TAFA2: variants seen among roughly 807,000 people sequenced by gnomAD.
TAFA2 encodes chemokine-like protein TAFA-2.
A neutral mutation model predicts 18.8 loss-of-function variants in TAFA2; 7 were observed. The observed-to-expected ratio is 0.37, with a 90% CI of 0.21 to 0.70. TAFA2 has a LOEUF of 0.70. TAFA2 is among the 30% of genes least tolerant of loss of function. The pLI, the probability that TAFA2 is intolerant of heterozygous loss-of-function variation, is 0.53. For synonymous variants in TAFA2, 60 were observed against 54.2 expected (o/e 1.11, Z -0.47); for missense variants, 122 against 158.1 (o/e 0.77, Z 1.23).
intron 1 of TAFA2, among the ~76,000 whole-genome samples, chr12:62,190,775 A>C (rs992360386): frequency 2.0e-5 from 3 of 152,164 alleles, no homozygotes; most frequent in Admixed American, 6.5e-5. Context: ...AGAATTAACT[A>C]ATCAGAAGTG....
intron 1 of TAFA2, among the ~76,000 whole-genome samples, chr12:62,248,015 T>C (rs942436213): frequency 1.3e-5 from 2 of 152,238 alleles, no homozygotes; most frequent in Non-Finnish European, 2.9e-5. Context: ...AATCTTGTTC[T>C]TGTGTCACAA....
In TAFA2 at chr12:62,094,247, T is replaced by C. The variant is rs541143521; in HGVS notation, c.-2+97012A>G. On this transcript the variant is annotated intron_variant, in intron 1 of 4. Transcript: ENST00000416284. ...TCACTCCGGAATGGAAAACCAAATA[T>C]TGTGTGTTCTCACTTATAAGTGGGA... Among the ~76,000 whole-genome samples the C allele has an allele frequency of 7.2e-5, 11 of 152,144 alleles. No individual in the cohort carries two copies. In the South Asian group the frequency reaches 8.3e-4, roughly 11 times the overall value.
At chr12:62,011,122 A>G (rs1376398918) in intron 1 of TAFA2, among the ~76,000 whole-genome samples, 6 of 113,078 alleles carry the variant, frequency 5.3e-5, no homozygotes, top group Admixed American at 8.7e-5. Flanking sequence ...CTGGGATGTG[A>G]GGAGCGCCTC....
chr12:62,019,842 T>C (rs879376493), intron 1 of TAFA2, among the ~76,000 whole-genome samples: 2 of 152,092 alleles, frequency 1.3e-5, no homozygotes, highest in Non-Finnish European at 2.9e-5. Context: ...AAAAATAGAA[T>C]AAAATAAAAT....
intron 1 of TAFA2, among the ~76,000 whole-genome samples, chr12:62,247,713 A>T (rs2062893427): frequency 6.6e-6 from 1 of 152,224 alleles, no homozygotes; most frequent in Non-Finnish European, 1.5e-5. Flanking sequence ...TTAGATTTTT[A>T]AAAGAAAAGC....
chr12:62,130,603 G>A (rs1870642804), intron 1 of TAFA2, among the ~76,000 whole-genome samples: 1 of 151,870 alleles, frequency 6.6e-6, no homozygotes, highest in Non-Finnish European at 1.5e-5. Context: ...TCGTTTCACT[G>A]GACATTTCCT....
chr12:61,966,016 G>A (rs765753932), intron 1 of TAFA2, among the ~76,000 whole-genome samples: 6 of 151,764 alleles, frequency 4.0e-5, no homozygotes, highest in Admixed American at 6.6e-5. Flanking sequence ...AAATAACATC[G>A]CTGTGAACGT....
At chr12:62,157,324 G>C (rs1565764012) in intron 1 of TAFA2, among the ~76,000 whole-genome samples, 2 of 152,064 alleles carry the variant, frequency 1.3e-5, no homozygotes, top group South Asian at 2.1e-4. Context: ...AAAATATTCT[G>C]TCTCTTTGAC....
Position 62,157,239 on chromosome 12 carries a change from A to T in TAFA2, c.-2+34020T>A, listed in dbSNP as rs2062376200. On this transcript the variant is annotated intron_variant, in intron 1 of 4. Transcript: ENST00000416284. ...TTTCAAGAAGCCTATGAATTTTTTC[A>T]TATATCAAAAAATGATTTGGGAAGA... Among the ~76,000 whole-genome samples, 4 of 152,174 alleles carry T rather than the reference A, an allele frequency of 2.6e-5. No individual in the cohort carries two copies. In the South Asian group the frequency reaches 8.3e-4, roughly 31 times the overall value.
chr12:61,775,330 TTA>T (rs1410697786), intron 2 of TAFA2, among the ~76,000 whole-genome samples: 2 of 151,834 alleles, frequency 1.3e-5, no homozygotes, highest in African/African-American at 4.8e-5. Context: ...GGTTGAAAAC[TTA>T]TATTGACCCA....
intron 1 of TAFA2, among the ~76,000 whole-genome samples, chr12:62,227,879 G>A (rs1460653086): frequency 6.6e-6 from 1 of 152,068 alleles, no homozygotes; most frequent in Non-Finnish European, 1.5e-5. Context: ...TTTCCCCAAT[G>A]TACGTTCTTG....
intron 2 of TAFA2, among the ~76,000 whole-genome samples, chr12:61,853,822 G>A (rs1483854460): frequency 6.6e-6 from 1 of 152,108 alleles, no homozygotes; most frequent in Non-Finnish European, 1.5e-5. Flanking sequence ...AGAGTAGAGG[G>A]TATGTAGGCA....
At chr12:61,980,275 A>G (rs1032803033) in intron 1 of TAFA2, among the ~76,000 whole-genome samples, 1 of 152,162 alleles carries the variant, frequency 6.6e-6, no homozygotes, top group Non-Finnish European at 1.5e-5. Flanking sequence ...AAAAACTCTC[A>G]ATAAACTAGG....
At chr12:61,721,068 G>A in intron 4 of TAFA2, 1 of 407,286 alleles carries the variant, frequency 2.5e-6, no homozygotes, top group South Asian at 1.8e-5. Context: ...TCACAGTGGG[G>A]ATAGGTTTGT....
chr12:61,917,728 T>G (rs1253531807), intron 1 of TAFA2, among the ~76,000 whole-genome samples: 1 of 152,162 alleles, frequency 6.6e-6, no homozygotes, highest in African/African-American at 2.4e-5. Context: ...TGAGAATGTA[T>G]GTTACCTGGG....
At chr12:61,877,920 T>C (rs200686468) in intron 1 of TAFA2, among the ~76,000 whole-genome samples, 33,412 of 141,316 alleles carry the variant, frequency 0.24, 3,876 homozygotes, top group East Asian at 0.35. Context: ...TATATATATA[T>C]ATATACACAC....
chr12:62,243,789 A>G (rs781579910), intron 1 of TAFA2, among the ~76,000 whole-genome samples: 4 of 152,110 alleles, frequency 2.6e-5, no homozygotes, highest in Non-Finnish European at 5.9e-5. Flanking sequence ...GCTGTTTAAC[A>G]TTCTTTTTTG....
chr12:62,082,533 T>C (rs1017326556), intron 1 of TAFA2, among the ~76,000 whole-genome samples: 1 of 152,188 alleles, frequency 6.6e-6, no homozygotes, highest in Non-Finnish European at 1.5e-5. Flanking sequence ...GTGCCAGATA[T>C]GGTTCCAAGC....
intron 4 of TAFA2, among the ~76,000 whole-genome samples, chr12:61,737,406 A>G (rs1868322119): frequency 6.6e-6 from 1 of 151,958 alleles, no homozygotes. Context: ...TGTCCTACAC[A>G]TACTGAATGT....
Sources: allele counts gnomAD v4.1 joint callset (sites outside exome capture counted in the v4.1 genomes callset), GRCh38; gene constraint gnomAD v4.1.1; transcripts MANE v1.5; gene names NCBI Gene and HGNC (gene_info 2026-07-23, HGNC 2026-07-21).